Variants in NOS1 observed in about 807,000 individuals in gnomAD.
NOS1 encodes the protein NOS type I.
A neutral mutation model predicts 164.5 loss-of-function variants in NOS1; 51 were observed. The ratio of observed to expected loss-of-function variants is 0.31; its 90% CI spans 0.25 to 0.39. NOS1 has a LOEUF of 0.39. Among genes scored for constraint, NOS1 ranks in the 10% least tolerant of loss-of-function variants. NOS1 has a pLI of 1.00. For synonymous variants in NOS1, 719 were observed against 745.8 expected, an observed-to-expected ratio of 0.96 and a Z score of 0.59; for missense variants, 1,362 against 1,885.6, an observed-to-expected ratio of 0.72 and a Z score of 5.14.
At chr12:117,327,518 C>A (rs1446102043) in intron 2 of NOS1, among the ~76,000 whole-genome samples, 1 of 152,166 alleles carries the variant, frequency 6.6e-6, no homozygotes, top group African/African-American at 2.4e-5. Flanking sequence ...CCCTGAGGCC[C>A]GGGTTCCAGC....
chr12:117,208,373 C>T lies in NOS1; in HGVS notation c.*6936G>A, dbSNP rs1434217964. ...ATTGAGAGCTCAGAGGTAGGGGGGA[C>T]GGCCGAGTTTCTGACAGCGTGTGTG... On this transcript the variant is annotated 3_prime_UTR_variant, in exon 29 of 29. Transcript: ENST00000317775. 9 of 1,230,896 alleles carry T rather than the reference C, an allele frequency of 7.3e-6. No homozygotes were observed. Among genetic ancestry groups the T allele is most frequent in the East Asian group, 1.2e-4 (2 of 16,116 alleles). 76.2% of individuals were successfully genotyped at this position (1,230,896 alleles called of 1,614,324 possible).
chr12:117,337,107 T>A (rs1162370653), intron 1 of NOS1, among the ~76,000 whole-genome samples: 30,584 of 57,012 alleles, frequency 0.54, 5,774 homozygotes, highest in Middle Eastern at 0.6. Context: ...CTTTTTACTC[T>A]TTTTTTTTTT....
intron 1 of NOS1, among the ~76,000 whole-genome samples, chr12:117,343,180 A>G (rs1876194091): frequency 6.6e-6 from 1 of 151,666 alleles, no homozygotes; most frequent in Non-Finnish European, 1.5e-5. Flanking sequence ...AAAAAAAAAA[A>G]TTAACTACGA....
At chr12:117,312,593 T>A (rs1203438810) in intron 2 of NOS1, among the ~76,000 whole-genome samples, 3 of 151,856 alleles carry the variant, frequency 2.0e-5, no homozygotes, top group Non-Finnish European at 4.4e-5. Context: ...TTTTTTTTTT[T>A]TTTATTTTCT....
intron 2 of NOS1, among the ~76,000 whole-genome samples, chr12:117,319,944 T>C (rs1874840199): frequency 6.6e-6 from 1 of 152,142 alleles, no homozygotes; most frequent in African/African-American, 2.4e-5. Context: ...TTTGTAAAGA[T>C]GGGGAAACTG....
Position 117,214,715 on chromosome 12 carries a change from G to A in NOS1, c.*594C>T, listed in dbSNP as rs116103924. ...GCGTGGACCCTAATTATGGACACACGAGGGATTAATATGGGCCAGGGACAC... is the reference window on the plus strand; with the variant it reads ...GCGTGGACCCTAATTATGGACACACAAGGGATTAATATGGGCCAGGGACAC... On this transcript the variant is annotated 3_prime_UTR_variant, in exon 29 of 29. Transcript: ENST00000317775. 153 of 985,292 alleles carry A rather than the reference G, an allele frequency of 1.6e-4. No homozygotes were observed. In the African/African-American group the frequency reaches 2.5e-3, roughly 16 times the overall value. The allele number at this position is 985,292 out of a possible 1,614,324, so 61.0% of individuals were successfully genotyped here.
chr12:117,290,503 G>T, intron 3 of NOS1, 77 bp from the exon 4 acceptor site: 1 of 1,508,056 alleles, frequency 6.6e-7, no homozygotes, highest in East Asian at 2.3e-5. Flanking sequence ...GAGGCTGGGA[G>T]AGCCATTGTT....
At chr12:117,241,639 C>T (rs1870186938) in intron 20 of NOS1, among the ~76,000 whole-genome samples, 2 of 152,048 alleles carry the variant, frequency 1.3e-5, no homozygotes, top group Admixed American at 6.5e-5. Flanking sequence ...CAAAGACTTT[C>T]ATTAGTGCTA....
chr12:117,358,329 C>A (rs879864313), intron 1 of NOS1, among the ~76,000 whole-genome samples: 2 of 147,796 alleles, frequency 1.4e-5, no homozygotes, highest in South Asian at 2.1e-4. Flanking sequence ...TCACAATACC[C>A]CCGCCCTCTC....
intron 3 of NOS1, among the ~76,000 whole-genome samples, chr12:117,299,681 C>CCTCTCT (rs10532868): frequency 2.8e-5 from 4 of 144,218 alleles, no homozygotes; most frequent in African/African-American, 1.0e-4. Flanking sequence ...GCTTACTCTG[C>CCTCTCT]CTCTCTCTCT....
In NOS1 at chr12:117,253,739, T is replaced by C; in HGVS notation, c.2547A>G (p.Arg849=). 1 of 1,613,914 alleles carries C rather than the reference T, an allele frequency of 6.2e-7. No individual in the cohort carries two copies. The highest frequency in any genetic ancestry group is 8.5e-7 in the Non-Finnish European group (1 of 1,179,878). ...CAGAGTAGGAGGAGACGCTGTTGAA[T>C]CGGACCTTGTAGCTCCTGCCAAAAC... ...VQEERKSYKV[R]FNSVSSYSDS... The change falls in exon 17 of 29, where the codon CGA becomes CGG. Residue 849 remains arginine (R), a synonymous_variant. Transcript: ENST00000317775.
chr12:117,306,303 C>CG (rs1399915709), intron 3 of NOS1, among the ~76,000 whole-genome samples: 8 of 152,156 alleles, frequency 5.3e-5, no homozygotes, highest in Admixed American at 3.9e-4. Context: ...CTTCTCCAAG[C>CG]AAACGGAATT....
intron 2 of NOS1, among the ~76,000 whole-genome samples, chr12:117,320,490 G>A (rs1874863166): frequency 6.6e-6 from 1 of 152,188 alleles, no homozygotes; most frequent in Non-Finnish European, 1.5e-5. Flanking sequence ...CAGGAAAGAA[G>A]ACAGTCCTGC....
At chr12:117,275,738 A>T (rs1873129862) in intron 9 of NOS1, among the ~76,000 whole-genome samples, 1 of 152,244 alleles carries the variant, frequency 6.6e-6, no homozygotes, top group South Asian at 2.1e-4. Context: ...GTATTAAAAC[A>T]TCATTATATA....
At chr12:117,303,325 T>C (rs1364243000) in intron 3 of NOS1, among the ~76,000 whole-genome samples, 1 of 152,112 alleles carries the variant, frequency 6.6e-6, no homozygotes, top group Non-Finnish European at 1.5e-5. Flanking sequence ...TAGAGCTCTC[T>C]AGAGAAGCTG....
chr12:117,210,509 T>G lies in NOS1; in HGVS notation c.*4800A>C. 1.0e-6 allele frequency: 1 copy of G among 985,336 alleles called. No individual in the cohort carries two copies. Among genetic ancestry groups the G allele is most frequent in the Non-Finnish European group, 1.2e-6 (1 of 829,948 alleles). The allele number at this position is 985,336 out of a possible 1,614,324, so 61.0% of individuals were successfully genotyped here. A position where few individuals can be genotyped will look rare whatever the true frequency, so the allele number is the denominator to read the frequency against. ...GGGTAGGGAAATATACAAGGAAACA[T>G]GGCTGGTTTAAAACACAGGCTAGAA... On this transcript the variant is annotated 3_prime_UTR_variant, in exon 29 of 29. Transcript: ENST00000317775.
At chr12:117,223,644 T>C (rs1283937548) in intron 25 of NOS1, among the ~76,000 whole-genome samples, 1 of 152,048 alleles carries the variant, frequency 6.6e-6, no homozygotes, top group Admixed American at 6.6e-5. Context: ...TGGTGTGATC[T>C]TGGCTCACTG....
At chr12:117,224,507 G>C (rs1032984367) in intron 25 of NOS1, among the ~76,000 whole-genome samples, 5 of 152,140 alleles carry the variant, frequency 3.3e-5, no homozygotes, top group African/African-American at 7.2e-5. Context: ...GGATGGTCTC[G>C]ATCTCCTGAC....
At position 117,358,571 on chromosome 12, in the gene NOS1, C is replaced by G. The variant is rs558178150; in HGVS notation, c.-421+2941G>C. On this transcript the variant is annotated intron_variant, in intron 1 of 28. Coordinates refer to ENST00000317775, the MANE Select transcript of NOS1 (RefSeq NM_000620.5). ...GCATACCAGCATTGTTTCCAGAACC[C>G]CTTTCACATACATCATCACAGAGTC... Among the ~76,000 whole-genome samples the G allele has an allele frequency of 2.6e-5, 4 of 152,310 alleles. No individual in the cohort carries two copies. The East Asian group carries it at 7.7e-4, about 29-fold the overall frequency.
Sources: allele counts gnomAD v4.1 joint callset (sites outside exome capture counted in the v4.1 genomes callset), GRCh38; gene constraint gnomAD v4.1.1; transcripts MANE v1.5; gene names NCBI Gene and HGNC (gene_info 2026-07-23, HGNC 2026-07-21).